PCDH9: variants seen among roughly 807,000 people sequenced by gnomAD.
PCDH9 encodes protocadherin 9.
PCDH9 carries 24 observed loss-of-function variants against 70.6 expected under a neutral mutation model. The observed-to-expected ratio is 0.34, with a 90% CI of 0.25 to 0.48. The LOEUF is 0.48. Among genes scored for constraint, PCDH9 ranks in the 20% least tolerant of loss-of-function variants. The pLI is 0.99. For missense variants in PCDH9, 1,281 were observed against 1,503.6 expected, an observed-to-expected ratio of 0.85 and a Z score of 2.45; for synonymous variants, 562 against 558.5, an observed-to-expected ratio of 1.01 and a Z score of -0.09.
At chr13:67,006,185 C>G (rs936945572) in intron 2 of PCDH9, among the ~76,000 whole-genome samples, 3 of 152,140 alleles carry the variant, frequency 2.0e-5, no homozygotes, top group Non-Finnish European at 4.4e-5. Flanking sequence ...GGAGATCGTG[C>G]CACTGCACTC....
intron 4 of PCDH9, among the ~76,000 whole-genome samples, chr13:66,582,228 T>A (rs1049259692): frequency 2.6e-5 from 4 of 152,176 alleles, no homozygotes; most frequent in Admixed American, 6.5e-5. Flanking sequence ...ATAGATTATG[T>A]CTTTACTAGA....
intron 4 of PCDH9, among the ~76,000 whole-genome samples, chr13:66,317,858 A>C (rs1294141727): frequency 2.0e-5 from 3 of 151,668 alleles, no homozygotes; most frequent in Non-Finnish European, 4.4e-5. Context: ...TAGGGGGAAA[A>C]GGTGACTTTT....
chr13:66,669,731 A>G (rs1253903664), intron 3 of PCDH9, among the ~76,000 whole-genome samples: 2 of 152,210 alleles, frequency 1.3e-5, no homozygotes, highest in Non-Finnish European at 2.9e-5. Flanking sequence ...AAAGGAAATG[A>G]TGGATCTTTT....
intron 2 of PCDH9, among the ~76,000 whole-genome samples, chr13:66,937,324 C>A (rs1367382733): frequency 1.3e-5 from 2 of 152,196 alleles, no homozygotes; most frequent in East Asian, 3.9e-4. Context: ...CTTTCACATT[C>A]AGAAATTCTA....
At chr13:67,000,026 T>C (rs1295784447) in intron 2 of PCDH9, among the ~76,000 whole-genome samples, 2 of 152,274 alleles carry the variant, frequency 1.3e-5, no homozygotes, top group East Asian at 3.9e-4. Flanking sequence ...TAAAGACACA[T>C]GCACACGTAT....
At chr13:66,546,138 A>T (rs1420609283) in intron 4 of PCDH9, among the ~76,000 whole-genome samples, 1 of 151,548 alleles carries the variant, frequency 6.6e-6, no homozygotes, top group Non-Finnish European at 1.5e-5. Flanking sequence ...GCACCCGGCC[A>T]TCTTTATTTT....
chr13:66,647,950 CA>C (rs888590626), intron 3 of PCDH9, among the ~76,000 whole-genome samples: 2 of 151,944 alleles, frequency 1.3e-5, no homozygotes, highest in African/African-American at 4.8e-5. Flanking sequence ...AAGAGACGGC[CA>C]GGGGGAGAAA....
intron 4 of PCDH9, among the ~76,000 whole-genome samples, chr13:66,309,209 A>G (rs1052370487): frequency 1.3e-5 from 2 of 152,112 alleles, no homozygotes; most frequent in Non-Finnish European, 1.5e-5. Context: ...AAACAAAACA[A>G]AAAACAAAAG....
chr13:66,665,997 G>A (rs140382180), intron 3 of PCDH9, among the ~76,000 whole-genome samples: 2 of 152,298 alleles, frequency 1.3e-5, no homozygotes, highest in African/African-American at 4.8e-5. Context: ...CTGAGACCTT[G>A]GGTGAAACTC....
intron 2 of PCDH9, among the ~76,000 whole-genome samples, chr13:67,134,123 T>C (rs2087174054): frequency 6.6e-6 from 1 of 152,128 alleles, no homozygotes; most frequent in African/African-American, 2.4e-5. Context: ...TAAGATTGCC[T>C]CCAGGTGTTT....
rs1026080342 is a variant in PCDH9, at chr13:66,303,021, A to G, written c.*1634T>C. On this transcript the variant is annotated 3_prime_UTR_variant, in exon 5 of 5. Coordinates refer to ENST00000377865, the MANE Select transcript of PCDH9 (RefSeq NM_203487.3). ...CCCATTATTTTCCATTATACTGTGG[A>G]AAAATGTGAACTGCTATTTACAAAG... 2.6e-5 allele frequency: 4 copies of G among 152,534 alleles called. No individual in the cohort carries two copies. Among genetic ancestry groups the G allele is most frequent in the African/African-American group, 7.2e-5 (3 of 41,440 alleles). The allele number at this position is 152,534 out of a possible 1,614,324, so 9.4% of individuals were successfully genotyped here.
chr13:66,672,402 G>A (rs1269376456), intron 3 of PCDH9, among the ~76,000 whole-genome samples: 4 of 152,164 alleles, frequency 2.6e-5, no homozygotes, highest in African/African-American at 9.7e-5. Flanking sequence ...AGGATGTATG[G>A]AAATGCCTTG....
intron 3 of PCDH9, among the ~76,000 whole-genome samples, chr13:66,779,849 C>CTCTCTCTCTCTCTCTCTATA (rs1395244975): frequency 2.5e-5 from 2 of 78,920 alleles, no homozygotes; most frequent in African/African-American, 1.0e-4. Flanking sequence ...CTCTCTCTCT[C>CTCTCTCTCTCTCTCTCTATA]TATATATATA....
chr13:66,796,779 T>C (rs922754967), intron 3 of PCDH9, among the ~76,000 whole-genome samples: 2 of 152,152 alleles, frequency 1.3e-5, no homozygotes, highest in African/African-American at 4.8e-5. Flanking sequence ...TACATAATTA[T>C]ATTAGATGTG....
At chr13:66,595,581 A>G (rs557441614) in intron 4 of PCDH9, among the ~76,000 whole-genome samples, 1 of 151,732 alleles carries the variant, frequency 6.6e-6, no homozygotes, top group African/African-American at 2.4e-5. Context: ...TTCTTCCTCT[A>G]TTGCCTTTAT....
chr13:67,014,019 T>A (rs1296877408), intron 2 of PCDH9, among the ~76,000 whole-genome samples: 1 of 152,068 alleles, frequency 6.6e-6, no homozygotes, highest in Non-Finnish European at 1.5e-5. Context: ...TTCTGCTTCC[T>A]TCATATTCAA....
intron 3 of PCDH9, among the ~76,000 whole-genome samples, chr13:66,687,160 T>C (rs561306160): frequency 5.3e-5 from 8 of 152,280 alleles, no homozygotes; most frequent in African/African-American, 1.9e-4. Context: ...CCAAGTTTTG[T>C]TTGTATGTCC....
chr13:66,728,170 C>A (rs1018617440), intron 3 of PCDH9, among the ~76,000 whole-genome samples: 1 of 152,062 alleles, frequency 6.6e-6, no homozygotes, highest in Non-Finnish European at 1.5e-5. Context: ...TATTGACTAT[C>A]CTTTGTACTA....
chr13:67,054,203 C>T (rs1457356800), intron 2 of PCDH9, among the ~76,000 whole-genome samples: 1 of 152,192 alleles, frequency 6.6e-6, no homozygotes, highest in African/African-American at 2.4e-5. Flanking sequence ...ATAGTTCACA[C>T]TGAGGACACT....
Sources: allele counts gnomAD v4.1 joint callset (sites outside exome capture counted in the v4.1 genomes callset), GRCh38; gene constraint gnomAD v4.1.1; transcripts MANE v1.5; gene names NCBI Gene and HGNC (gene_info 2026-07-23, HGNC 2026-07-21).